The following KIF13A variants were observed in gnomAD, a reference collection of about 807,000 sequenced individuals.
KIF13A encodes kinesin family member 13A.
KIF13A carries 79 observed loss-of-function variants against 212.2 expected under a neutral mutation model. The ratio of observed to expected loss-of-function variants is 0.37; its 90% CI spans 0.31 to 0.45. KIF13A has a LOEUF of 0.45. Among genes scored for constraint, KIF13A ranks in the 20% least tolerant of loss-of-function variants. The probability of loss-of-function intolerance (pLI) is 1.00; values close to 1 mark genes in which losing one functional copy is unlikely to be tolerated. For missense variants in KIF13A, 1,901 were observed against 2,209.0 expected (o/e 0.86, Z 2.79); for synonymous variants, 789 against 808.6 (o/e 0.98, Z 0.41).
At chr6:17,929,638 G>C (rs1163761227) in intron 2 of KIF13A, among the ~76,000 whole-genome samples, 2 of 152,124 alleles carry the variant, frequency 1.3e-5, no homozygotes, top group African/African-American at 4.8e-5. Context: ...CTGACCTCAT[G>C]ATCTGCCCGC....
At chr6:17,845,386 T>C (rs771803186) in intron 9 of KIF13A, among the ~76,000 whole-genome samples, 3 of 152,314 alleles carry the variant, frequency 2.0e-5, no homozygotes, top group South Asian at 4.1e-4. Flanking sequence ...ATTATACTGA[T>C]ACAATCCCAG....
chr6:17,958,870 C>CTTTT (rs1561805769), intron 2 of KIF13A, among the ~76,000 whole-genome samples: 1 of 102,628 alleles, frequency 9.7e-6, no homozygotes, highest in East Asian at 3.5e-4. Context: ...GTGTCTTTTT[C>CTTTT]TTTTTCTTTT....
rs1198231419 is a variant in KIF13A at position 17,799,564 on chromosome 6, A to G, written c.2617-125T>C. On this transcript the variant is annotated intron_variant, in intron 21 of 38. Transcript: ENST00000259711. The surrounding 1 kb of genome is among the most constrained non-coding windows in gnomAD (Gnocchi z 4.4). ...CATCCATTTGACATGTGAAAATATT[A>G]TATCTGACACCGTGACACTAAGGGT... 2 of 742,022 alleles carry G rather than the reference A, an allele frequency of 2.7e-6. No homozygotes were observed. The highest frequency in any genetic ancestry group is 2.7e-5 in the East Asian group (1 of 36,782). 46.0% of individuals were successfully genotyped at this position (742,022 alleles called of 1,614,324 possible).
chr6:17,930,154 A>G (rs773384835), intron 2 of KIF13A, among the ~76,000 whole-genome samples: 1 of 152,210 alleles, frequency 6.6e-6, no homozygotes, highest in Non-Finnish European at 1.5e-5. Context: ...TGCTACGGAA[A>G]CTAGAAAGGA....
intron 2 of KIF13A, chr6:17,950,868 A>C (rs1777787086): frequency 1.0e-6 from 1 of 983,404 alleles, no homozygotes; most frequent in Non-Finnish European, 1.2e-6. Context: ...TTGAACATAA[A>C]TGATTAAATG....
intron 38 of KIF13A, among the ~76,000 whole-genome samples, chr6:17,766,309 G>A (rs191432957): frequency 0.015 from 2,174 of 149,826 alleles, 54 homozygotes; most frequent in African/African-American, 0.05. Flanking sequence ...GTGTGATCTC[G>A]GCTCACCGCA....
At chr6:17,906,368 T>TTCCC (rs774279833) in intron 2 of KIF13A, among the ~76,000 whole-genome samples, 2 of 151,526 alleles carry the variant, frequency 1.3e-5, no homozygotes, top group Non-Finnish European at 2.9e-5. Context: ...TTTCTTTTCC[T>TTCCC]TCCCTCCCTC....
intron 33 of KIF13A, among the ~76,000 whole-genome samples, chr6:17,778,355 C>A (rs947206076): frequency 6.6e-6 from 1 of 152,234 alleles, no homozygotes; most frequent in Non-Finnish European, 1.5e-5. Context: ...ATTTTTCTGA[C>A]AGATGCCAAT....
intron 3 of KIF13A, chr6:17,881,407 T>A (rs557935187): frequency 6.8e-5 from 28 of 414,808 alleles, no homozygotes; most frequent in Non-Finnish European, 1.1e-4. Flanking sequence ...TTAAAAGTCA[T>A]CTCTGATGGC....
At chr6:17,979,582 G>A (rs1780875661) in intron 2 of KIF13A, among the ~76,000 whole-genome samples, 1 of 152,108 alleles carries the variant, frequency 6.6e-6, no homozygotes, top group African/African-American at 2.4e-5. Flanking sequence ...TTGCCCTGGA[G>A]AAACCTCAGA....
chr6:17,929,404 ATT>A (rs35396541), intron 2 of KIF13A, among the ~76,000 whole-genome samples: 1 of 145,226 alleles, frequency 6.9e-6, no homozygotes. Flanking sequence ...ACTCTCGACT[ATT>A]TTTTTTTTTT....
At chr6:17,949,174 CA>C (rs1202776087) in intron 2 of KIF13A, among the ~76,000 whole-genome samples, 2 of 152,110 alleles carry the variant, frequency 1.3e-5, no homozygotes, top group Admixed American at 6.6e-5. Context: ...TCCTCTGGGT[CA>C]AAAAGGCACT....
intron 12 of KIF13A, among the ~76,000 whole-genome samples, chr6:17,832,657 AAAAAT>A (rs1034591449): frequency 5.3e-5 from 8 of 151,524 alleles, no homozygotes; most frequent in East Asian, 3.9e-4. Flanking sequence ...TTAAATAAAT[AAAAAT>A]AAAATAAAAT....
intron 2 of KIF13A, among the ~76,000 whole-genome samples, chr6:17,925,291 T>C (rs918197164): frequency 7.9e-5 from 12 of 152,202 alleles, no homozygotes; most frequent in Non-Finnish European, 1.0e-4. Context: ...AGAGGAATCA[T>C]TGAGAACAAA....
intron 12 of KIF13A, among the ~76,000 whole-genome samples, chr6:17,832,417 AC>A (rs1765526972): frequency 6.6e-6 from 1 of 151,930 alleles, no homozygotes; most frequent in Non-Finnish European, 1.5e-5. Flanking sequence ...CGGGTGGATC[AC>A]CTGAGGTCAG....
chr6:17,987,298 GCCCCGGCC>G lies in KIF13A; in HGVS notation c.55+103_55+110del. 1.1e-6 allele frequency: 1 copy of G among 898,604 alleles called. No individual in the cohort carries two copies. The allele number at this position is 898,604 out of a possible 1,614,324, so 55.7% of individuals were successfully genotyped here. The stretch of plus-strand genomic sequence containing the variant: ...CACGGCCAGCGCGGACGCCGCCTCC[GCCCCGGCC>G]CCCCGGCCCCGGCCGCGCTCTCGCC... On this transcript the variant is annotated intron_variant, in intron 1 of 38. Coordinates refer to ENST00000259711, the MANE Select transcript of KIF13A (RefSeq NM_022113.6). The surrounding 1 kb of genome is among the most constrained non-coding windows in gnomAD (Gnocchi z 7.7).
At chr6:17,853,603 A>C (rs1767865066) in intron 6 of KIF13A, among the ~76,000 whole-genome samples, 1 of 152,206 alleles carries the variant, frequency 6.6e-6, no homozygotes, top group African/African-American at 2.4e-5. Context: ...AAGACAGAGA[A>C]AGTGATGAAT....
rs1774140316 is a variant in KIF13A at position 17,912,238 on chromosome 6, T to G, written c.147-14058A>C. On this transcript the variant is annotated intron_variant, in intron 2 of 38. Transcript: ENST00000259711. This position sits in a 1 kb window ranked among gnomAD's most constrained non-coding sequence, Gnocchi z 4.2. ...CCTATAAATATATATACCTACGACA[T>G]ACCCAGAAAAATTAGAAGTTAAAAA... 6.6e-6 allele frequency among the ~76,000 whole-genome samples: 1 copy of G among 152,020 alleles called. No homozygotes were observed. Among genetic ancestry groups the G allele is most frequent in the Admixed American group, 6.6e-5 (1 of 15,254 alleles).
At position 17,834,993 on chromosome 6, in the gene KIF13A, A is replaced by C. The variant is rs2150377405; in HGVS notation, c.1156-922T>G. 1.3e-5 allele frequency among the ~76,000 whole-genome samples: 2 copies of C among 152,128 alleles called. No individual in the cohort carries two copies. The highest frequency in any genetic ancestry group is 4.1e-4 in the South Asian group (2 of 4,826). On this transcript the variant is annotated intron_variant, in intron 11 of 38. Transcript: ENST00000259711. The surrounding 1 kb of genome is among the most constrained non-coding windows in gnomAD (Gnocchi z 4.0). ...GAATCACTTGAGACCAGCCTGGCTA[A>C]CATGGCGAAACCCTGTCTCTACTAA...
Sources: allele counts gnomAD v4.1 joint callset (sites outside exome capture counted in the v4.1 genomes callset), GRCh38; gene constraint gnomAD v4.1.1; non-coding constraint Gnocchi (gnomAD v3.1); transcripts MANE v1.5; gene names NCBI Gene and HGNC (gene_info 2026-07-23, HGNC 2026-07-21).